RAB17: variants seen among roughly 807,000 people sequenced by gnomAD.
The protein encoded by RAB17 is RAB17, member RAS oncogene family.
Under a neutral mutation model 19.3 loss-of-function variants are expected in RAB17, and 15 were observed. That is an observed-to-expected ratio of 0.78 (90% CI 0.52 to 1.20). RAB17 has a LOEUF of 1.20. Ranked by LOEUF, RAB17 falls within the 50% of genes most tolerant of loss-of-function variation. The pLI is 0.00. For missense variants in RAB17, 262 were observed against 269.3 expected (o/e 0.97, Z 0.19); for synonymous variants, 110 against 112.8 (o/e 0.97, Z 0.16).
chr2:237,579,675 G>A (rs1025569121), intron 2 of RAB17: 4 of 151,954 alleles, frequency 2.6e-5, no homozygotes, highest in African/African-American at 7.3e-5. Flanking sequence ...AGGTTCCGGG[G>A]GTTAGGACTT....
At chr2:237,580,397 C>T (rs1399240957) in intron 2 of RAB17, among the ~76,000 whole-genome samples, 3 of 152,194 alleles carry the variant, frequency 2.0e-5, no homozygotes, top group Admixed American at 6.5e-5. Context: ...AGGTTTTCTT[C>T]CTCCATTTAC....
intron 4 of RAB17, chr2:237,575,800 C>T: frequency 2.9e-6 from 1 of 349,442 alleles, no homozygotes; most frequent in Non-Finnish European, 5.3e-6. Context: ...TGATGCTGGG[C>T]AAAGAACCAA....
chr2:237,589,711 G>A (rs1330828908), intron 1 of RAB17, among the ~76,000 whole-genome samples: 6 of 152,204 alleles, frequency 3.9e-5, no homozygotes, highest in African/African-American at 1.4e-4. Context: ...AGTAGTGAAA[G>A]ATGTTATTAG....
At chr2:237,582,165 G>T (rs2081314036) in intron 2 of RAB17, among the ~76,000 whole-genome samples, 1 of 152,246 alleles carries the variant, frequency 6.6e-6, no homozygotes. Context: ...TGGCTTTCCA[G>T]CTTCAGGGCT....
intron 2 of RAB17, among the ~76,000 whole-genome samples, chr2:237,582,058 G>T (rs1269976286): frequency 4.6e-5 from 7 of 152,276 alleles, no homozygotes; most frequent in Admixed American, 3.3e-4. Flanking sequence ...CCTGGCGGGG[G>T]TGGGCGGGAG....
Position 237,574,413 on chromosome 2 carries a change from T to G in RAB17, c.*606A>C. On this transcript the variant is annotated 3_prime_UTR_variant, in exon 6 of 6. Transcript: ENST00000264601. ...GCGAAATGTCTCAGAATCTTCCTGC[T>G]CATTGGACAGAAACTCAGCTTCACC... 1 of 1,545,830 alleles carries G rather than the reference T, an allele frequency of 6.5e-7. No homozygotes were observed. The highest frequency in any genetic ancestry group is 8.7e-7 in the Non-Finnish European group (1 of 1,143,986).
At chr2:237,576,061 C>T (rs58094742) in intron 4 of RAB17, among the ~76,000 whole-genome samples, 18,941 of 152,212 alleles carry the variant, frequency 0.12, 1,459 homozygotes, top group African/African-American at 0.21. Context: ...CAGGCCCCTC[C>T]CCTGGCCTCC....
chr2:237,575,010 T>G lies in RAB17; in HGVS notation c.*9A>C. 6.3e-7 allele frequency: 1 copy of G among 1,588,758 alleles called. No homozygotes were observed. On this transcript the variant is annotated 3_prime_UTR_variant, in exon 6 of 6. Transcript: ENST00000264601. ...GTGTCTTCCCCACAGCCCCCAGGAGTGGCTGCACCTAGTGGGCGCAGCATT... is the reference window on the plus strand; with the variant it reads ...GTGTCTTCCCCACAGCCCCCAGGAGGGGCTGCACCTAGTGGGCGCAGCATT...
Position 237,574,370 on chromosome 2 carries a change from G to A in RAB17, c.*649C>T, listed in dbSNP as rs557100663. The A allele has an allele frequency of 9.3e-6, 14 of 1,497,922 alleles. No homozygotes were observed. In the South Asian group the frequency reaches 1.7e-4, roughly 19 times the overall value. The allele number at this position is 1,497,922 out of a possible 1,614,324, so 92.8% of individuals were successfully genotyped here. The stretch of plus-strand genomic sequence containing the variant: ...TTTTGGAGGAAAAACTGCATACGCA[G>A]TACAACTTATATCTCAGGCGAAATG... On this transcript the variant is annotated 3_prime_UTR_variant, in exon 6 of 6. Coordinates refer to ENST00000264601, the MANE Select transcript of RAB17 (RefSeq NM_022449.4).
intron 2 of RAB17, chr2:237,585,608 C>T (rs776522036): frequency 4.1e-5 from 7 of 171,736 alleles, no homozygotes; most frequent in Non-Finnish European, 8.3e-5. Flanking sequence ...AGCAGGAGGG[C>T]GGCCTGGGTG....
chr2:237,580,682 C>T (rs1165469230), intron 2 of RAB17, among the ~76,000 whole-genome samples: 1 of 151,334 alleles, frequency 6.6e-6, no homozygotes, highest in Non-Finnish European at 1.5e-5. Flanking sequence ...GAGGTTGCAG[C>T]GAGCCAAGAT....
chr2:237,579,763 G>C (rs991343346), intron 2 of RAB17, among the ~76,000 whole-genome samples: 2 of 152,184 alleles, frequency 1.3e-5, no homozygotes, highest in African/African-American at 2.4e-5. Context: ...AGAACAGGAG[G>C]CTGGACAGAG....
At chr2:237,588,671 C>T (rs2081369602) in intron 1 of RAB17, among the ~76,000 whole-genome samples, 1 of 152,196 alleles carries the variant, frequency 6.6e-6, no homozygotes, top group African/African-American at 2.4e-5. Context: ...GAACATATCC[C>T]TGTAACCAAA....
Position 237,575,472 on chromosome 2 carries a change from C to T in RAB17, c.444G>A (p.Lys148=), listed in dbSNP as rs926130545. Residue 148 remains lysine, a synonymous_variant, in exon 5 of 6, where the codon AAG becomes AAA. Transcript: ENST00000264601. ...GCAACTTCTGGCTGTCGGCAAACTC[C>T]TTCCCTTCCTGAAGGAAACAGCCAC... ...QEREVTFQEG[K]EFADSQKLLF... The T allele has an allele frequency of 6.2e-7, 1 of 1,609,750 alleles. No individual in the cohort carries two copies. The highest frequency in any genetic ancestry group is 1.3e-5 in the African/African-American group (1 of 74,868).
rs1574930699 is a variant in RAB17 at position 237,574,336 on chromosome 2, C to A, written c.*683G>T. ...CTTCTAAAAGCCAGATTGTCAAAAG[C>A]AATTTAATTTTTGGAGGAAAAACTG... is the stretch of plus-strand genomic sequence containing the variant. On this transcript the variant is annotated 3_prime_UTR_variant, in exon 6 of 6. Transcript: ENST00000264601. 2 of 1,437,736 alleles carry A rather than the reference C, an allele frequency of 1.4e-6. No individual in the cohort carries two copies. Among genetic ancestry groups the A allele is most frequent in the Non-Finnish European group, 1.8e-6 (2 of 1,096,142 alleles). 89.1% of individuals were successfully genotyped at this position (1,437,736 alleles called of 1,614,324 possible). A position where few individuals can be genotyped will look rare whatever the true frequency, so the allele number is the denominator to read the frequency against.
chr2:237,587,970 G>C (rs186501410), intron 1 of RAB17, among the ~76,000 whole-genome samples: 1 of 152,152 alleles, frequency 6.6e-6, no homozygotes. Context: ...CTAGCACATA[G>C]TAAGTACTAA....
chr2:237,579,987 C>T (rs1357754978), intron 2 of RAB17, among the ~76,000 whole-genome samples: 3 of 152,212 alleles, frequency 2.0e-5, no homozygotes, highest in Admixed American at 6.5e-5. Flanking sequence ...GGGCAACTGT[C>T]GGGACTGAAC....
chr2:237,590,207 A>G (rs2081382630), intron 1 of RAB17, among the ~76,000 whole-genome samples: 2 of 152,068 alleles, frequency 1.3e-5, no homozygotes, highest in Non-Finnish European at 2.9e-5. Flanking sequence ...TTTCCCGAAG[A>G]AAAATGCAAA....
chr2:237,585,982 C>G lies in RAB17; in HGVS notation c.157+16G>C. The G allele has an allele frequency of 6.3e-7, 1 of 1,587,164 alleles. No individual in the cohort carries two copies. The highest frequency in any genetic ancestry group is 1.7e-5 in the Admixed American group (1 of 57,472). The stretch of plus-strand genomic sequence containing the variant: ...TGCACTGAAGACCAACAAAGGGGTG[C>G]TCTGCCCTCACTTACAGCCCACCGT... On this transcript the variant is annotated intron_variant, in intron 2 of 5. Transcript: ENST00000264601.
Sources: allele counts gnomAD v4.1 joint callset (sites outside exome capture counted in the v4.1 genomes callset), GRCh38; gene constraint gnomAD v4.1.1; transcripts MANE v1.5; gene names NCBI Gene and HGNC (gene_info 2026-07-23, HGNC 2026-07-21).